Variants in SUSD5 observed in about 807,000 individuals in gnomAD.
SUSD5 encodes the protein sushi domain-containing protein 5.
In SUSD5, 33 loss-of-function variants were observed where a neutral mutation model predicts 29.5. The observed-to-expected ratio is 1.12, with a 90% CI of 0.85 to 1.49. SUSD5 has a LOEUF of 1.49. Among genes scored for constraint, SUSD5 ranks in the 40% most tolerant of loss-of-function variants. SUSD5 has a pLI of 0.00. For synonymous variants in SUSD5, 308 were observed against 325.3 expected, an observed-to-expected ratio of 0.95 and a Z score of 0.57; for missense variants, 776 against 800.6, an observed-to-expected ratio of 0.97 and a Z score of 0.37.
intron 3 of SUSD5, among the ~76,000 whole-genome samples, chr3:33,184,727 G>C (rs2031744067): frequency 6.6e-6 from 1 of 152,048 alleles, no homozygotes; most frequent in Non-Finnish European, 1.5e-5. Context: ...TTCTGTTACA[G>C]TGCTCTTGAT....
chr3:33,210,375 C>G (rs539763455), intron 2 of SUSD5, among the ~76,000 whole-genome samples: 1 of 152,216 alleles, frequency 6.6e-6, no homozygotes, highest in African/African-American at 2.4e-5. Flanking sequence ...CTCACTGGGT[C>G]CCCTCCTACA....
At chr3:33,161,605 T>TGTA (rs750335171) in intron 4 of SUSD5, among the ~76,000 whole-genome samples, 19 of 152,028 alleles carry the variant, frequency 1.2e-4, no homozygotes, top group Non-Finnish European at 2.4e-4. Flanking sequence ...ACAGAACCCA[T>TGTA]GTACCTGGTA....
Position 33,152,991 on chromosome 3 carries a change from G to A in SUSD5, c.1641C>T (p.Pro547=), listed in dbSNP as rs749814837. The A allele has an allele frequency of 1.7e-5, 27 of 1,613,666 alleles. No individual in the cohort carries two copies. The highest frequency in any genetic ancestry group is 5.0e-5 in the Admixed American group (3 of 59,958). ...GAAGCTCCTCACTTGCACCTGGCCC[G>A]GGGCCTTCCTGTCCAAAGAAGTCTT... ...LSEDFFGQEG[P]GPGASEELHP... is the part of the protein sequence containing the mutation. The change falls in exon 5 of 5, where the codon CCC becomes CCT. Residue 547 remains proline, a synonymous_variant. Coordinates refer to ENST00000309558, the MANE Select transcript of SUSD5 (RefSeq NM_015551.2).
At position 33,175,018 on chromosome 3, in the gene SUSD5, C is replaced by A. The variant is rs781315095; in HGVS notation, c.466G>T (p.Gly156Cys). 1.2e-6 allele frequency: 2 copies of A among 1,613,918 alleles called. No individual in the cohort carries two copies. Among genetic ancestry groups the A allele is most frequent in the Non-Finnish European group, 1.7e-6 (2 of 1,179,916 alleles). ...AGCAGTTCATCCCCCATTTCCAAGC[C>A]GGTGCGGCCCTGCAGGATGGTGTGT... The part of the protein sequence containing the change: ...FPHTILQGRT[G>C]LEMGDELLYV... The change falls in exon 4 of 5, where the codon GGC (glycine) becomes TGC (cysteine). Residue 156 changes from glycine to cysteine, a missense_variant. Coordinates refer to ENST00000309558, the MANE Select transcript of SUSD5 (RefSeq NM_015551.2).
At chr3:33,172,574 G>A (rs961896866) in intron 4 of SUSD5, among the ~76,000 whole-genome samples, 2 of 152,218 alleles carry the variant, frequency 1.3e-5, no homozygotes, top group Non-Finnish European at 2.9e-5. Flanking sequence ...TCTTGGGCAG[G>A]TGAATGATCA....
intron 3 of SUSD5, among the ~76,000 whole-genome samples, chr3:33,196,697 C>T (rs1434700191): frequency 2.0e-5 from 3 of 152,128 alleles, no homozygotes; most frequent in Non-Finnish European, 4.4e-5. Flanking sequence ...GTTTATCATC[C>T]ATATAAGGAC....
chr3:33,217,620 C>T (rs996436407), intron 1 of SUSD5, among the ~76,000 whole-genome samples: 1 of 151,970 alleles, frequency 6.6e-6, no homozygotes, highest in African/African-American at 2.4e-5. Flanking sequence ...GCACTTAAAA[C>T]AGAGAGCACT....
In SUSD5 at chr3:33,154,026, A is replaced by G; in HGVS notation, c.606T>C (p.Ala202=). ...TATCTTCATAGTCAATGTGTGCCTC[A>G]GCCTCATCTGGAAGAAAAGAGGGAA... The part of the protein sequence containing the change: ...GLVQACGKDE[A]EAHIDYEDNF... The change falls in exon 5 of 5, where the codon GCT becomes GCC. Residue 202 remains alanine (A), a synonymous_variant. Coordinates refer to ENST00000309558, the MANE Select transcript of SUSD5 (RefSeq NM_015551.2). 6.3e-7 allele frequency: 1 copy of G among 1,580,340 alleles called. No homozygotes were observed.
chr3:33,182,248 G>C (rs2031688459), intron 3 of SUSD5, among the ~76,000 whole-genome samples: 2 of 152,124 alleles, frequency 1.3e-5, no homozygotes, highest in Non-Finnish European at 2.9e-5. Flanking sequence ...CTATCATTCT[G>C]TTATTGTTTT....
At chr3:33,197,819 A>G (rs1470557020) in intron 3 of SUSD5, among the ~76,000 whole-genome samples, 1 of 152,172 alleles carries the variant, frequency 6.6e-6, no homozygotes, top group East Asian at 1.9e-4. Context: ...TTTTATTGCC[A>G]AATACTAATC....
Position 33,177,948 on chromosome 3 carries a change from C to T in SUSD5, c.410-2874G>A, listed in dbSNP as rs112361567. Among the ~76,000 whole-genome samples the T allele has an allele frequency of 6.4e-3, 969 of 152,070 alleles. 13 individuals carry two copies. Among genetic ancestry groups the T allele is most frequent in the African/African-American group, 0.021 (888 of 41,542 alleles). Reference sequence around the variant, plus strand: ...ACAAAGACAGTTTCAGTTGTTCCTTCGCAATCTATATTTTCTTTTCTTATT... The same window carrying T: ...ACAAAGACAGTTTCAGTTGTTCCTTTGCAATCTATATTTTCTTTTCTTATT... On this transcript the variant is annotated intron_variant, in intron 3 of 4. Coordinates refer to ENST00000309558, the MANE Select transcript of SUSD5 (RefSeq NM_015551.2).
At chr3:33,156,553 C>T (rs189706483) in intron 4 of SUSD5, among the ~76,000 whole-genome samples, 2 of 152,174 alleles carry the variant, frequency 1.3e-5, no homozygotes, top group Non-Finnish European at 2.9e-5. Context: ...AGCCCTTTGA[C>T]CTTCCCCTCT....
chr3:33,153,267 G>T lies in SUSD5; in HGVS notation c.1365C>A (p.Ser455=). 1 of 1,613,920 alleles carries T rather than the reference G, an allele frequency of 6.2e-7. No homozygotes were observed. Among genetic ancestry groups the T allele is most frequent in the South Asian group, 1.1e-5 (1 of 91,072 alleles). Residue 455 remains serine, a synonymous_variant, in exon 5 of 5, where the codon TCC becomes TCA. Transcript: ENST00000309558. ...CACCATCCCCAATGCCCTCAGTCTC[G>T]GAAGCATTCACGGGTCTGAGCGCCA... The part of the protein sequence containing the change: ...EALALRPVNA[S]ETEGIGDGDL...
chr3:33,178,007 TGAAAAGCA>T (rs58171659), intron 3 of SUSD5, among the ~76,000 whole-genome samples: 4,720 of 152,314 alleles, frequency 0.031, 230 homozygotes, highest in African/African-American at 0.11. Flanking sequence ...AGTACAATGC[TGAAAAGCA>T]GTGGTGAAAA....
Position 33,178,437 on chromosome 3 carries a change from T to TC in SUSD5, c.410-3364_410-3363insG, listed in dbSNP as rs765594266. 7.7e-3 allele frequency among the ~76,000 whole-genome samples: 1,151 copies of TC among 148,916 alleles called. 9 individuals carry two copies. The highest frequency in any genetic ancestry group is 0.012 in the Non-Finnish European group (785 of 66,554). On this transcript the variant is annotated intron_variant, in intron 3 of 4. Transcript: ENST00000309558. ...TTCATGAGATACATTGGTCTGTAGT[T>TC]TTTTTTTTGTTGTTGTTTTGTTTTT... is the stretch of plus-strand genomic sequence containing the variant.
At chr3:33,191,189 G>A (rs978509745) in intron 3 of SUSD5, among the ~76,000 whole-genome samples, 4 of 151,806 alleles carry the variant, frequency 2.6e-5, no homozygotes, top group African/African-American at 9.7e-5. Flanking sequence ...GAGTGCAGTG[G>A]CATGATCTCG....
intron 4 of SUSD5, among the ~76,000 whole-genome samples, chr3:33,162,269 GA>G (rs2031206111): frequency 6.6e-6 from 1 of 152,288 alleles, no homozygotes; most frequent in Non-Finnish European, 1.5e-5. Flanking sequence ...ATGGAAATAT[GA>G]CATATCAAAA....
chr3:33,173,868 T>G (rs770680662), intron 4 of SUSD5, among the ~76,000 whole-genome samples: 44 of 152,324 alleles, frequency 2.9e-4, no homozygotes, highest in South Asian at 6.2e-4. Context: ...GCCATGGGGC[T>G]GCCCCAATCG....
intron 2 of SUSD5, 63 bp downstream of exon 2, chr3:33,213,865 T>C: frequency 6.6e-7 from 1 of 1,505,560 alleles, no homozygotes; most frequent in Non-Finnish European, 9.0e-7. Flanking sequence ...AATTACTGAG[T>C]CCTATATAAG....
Sources: gnomAD v4.1 joint callset for allele counts (sites outside exome capture counted in the v4.1 genomes callset) on GRCh38, gnomAD v4.1.1 for gene constraint, MANE v1.5 for transcripts, NCBI Gene and HGNC (gene_info 2026-07-23, HGNC 2026-07-21) for gene names.